The following SH3KBP1 variants were observed in gnomAD, a reference collection of about 807,000 sequenced individuals.
The protein encoded by SH3KBP1 is SH3 domain-containing kinase-binding protein 1.
A neutral mutation model predicts 50.1 loss-of-function variants in SH3KBP1; 8 were observed. The observed-to-expected ratio is 0.16, with a 90% CI of 0.09 to 0.29. The LOEUF is 0.29. Among genes scored for constraint, SH3KBP1 ranks in the 10% least tolerant of loss-of-function variants. SH3KBP1 has a pLI of 1.00. For synonymous variants in SH3KBP1, 227 were observed against 218.6 expected, an observed-to-expected ratio of 1.04 and a Z score of -0.34; for missense variants, 377 against 535.2, an observed-to-expected ratio of 0.70 and a Z score of 2.92.
intron 12 of SH3KBP1, among the ~76,000 whole-genome samples, chrX:19,582,338 C>A (rs2066401303): frequency 8.9e-6 from 1 of 112,065 alleles, no homozygotes; most frequent in East Asian, 2.8e-4. Flanking sequence ...CACACCAGCA[C>A]CCATGGGAGG....
At chrX:19,842,233 AC>A (rs1161439089) in intron 1 of SH3KBP1, among the ~76,000 whole-genome samples, 2 of 112,773 alleles carry the variant, frequency 1.8e-5, no homozygotes, top group Non-Finnish European at 3.7e-5. Flanking sequence ...TACAGCTTTT[AC>A]AAATAAAAAT....
intron 6 of SH3KBP1, chrX:19,647,927 T>C: frequency 3.0e-6 from 1 of 335,096 alleles, no homozygotes; most frequent in Non-Finnish European, 5.8e-6. Flanking sequence ...ATGCTCACAT[T>C]TGAGAACCAC....
intron 2 of SH3KBP1, among the ~76,000 whole-genome samples, chrX:19,759,055 T>C (rs909886938): frequency 8.9e-6 from 1 of 112,595 alleles, no homozygotes; most frequent in African/African-American, 3.2e-5. Flanking sequence ...CATTTCCCTA[T>C]GTCTTATGGA....
At chrX:19,711,528 T>C in intron 3 of SH3KBP1, among the ~76,000 whole-genome samples, 1 of 111,365 alleles carries the variant, frequency 9.0e-6, no homozygotes, top group South Asian at 3.7e-4. Flanking sequence ...AAATAATGTA[T>C]TGGATGAAAA....
chrX:19,807,077 G>A (rs2067069446), intron 2 of SH3KBP1, among the ~76,000 whole-genome samples: 1 of 111,965 alleles, frequency 8.9e-6, no homozygotes, highest in Non-Finnish European at 1.9e-5. Flanking sequence ...GGGATGGAGG[G>A]TAAGGAGTAG....
At chrX:19,717,179 C>T (rs988620249) in intron 3 of SH3KBP1, among the ~76,000 whole-genome samples, 3 of 111,579 alleles carry the variant, frequency 2.7e-5, no homozygotes, top group East Asian at 2.8e-4. Context: ...CACAGACATA[C>T]GCCAAACAAT....
At chrX:19,786,575 C>T (rs147632671) in intron 2 of SH3KBP1, among the ~76,000 whole-genome samples, 1 of 112,000 alleles carries the variant, frequency 8.9e-6, no homozygotes, top group African/African-American at 3.3e-5. Flanking sequence ...TTAAGGGTAG[C>T]AACAGTGTGA....
rs2061538467 is a variant in SH3KBP1, at chrX:19,629,898, T to C, written c.897+1966A>G. 4.4e-5 allele frequency among the ~76,000 whole-genome samples: 5 copies of C among 112,601 alleles called. No individual in the cohort carries two copies. In the South Asian group the frequency reaches 1.8e-3, roughly 42 times the overall value. On this transcript the variant is annotated intron_variant, in intron 8 of 17. Coordinates refer to ENST00000397821, the MANE Select transcript of SH3KBP1 (RefSeq NM_031892.3). ...CCTTCACAACACTCTTGAAAGCAGC[T>C]TGCCACATCTACCTGTTCATTTATC...
chrX:19,705,105 A>G (rs751954562), intron 4 of SH3KBP1, among the ~76,000 whole-genome samples: 148 of 112,526 alleles, frequency 1.3e-3, no homozygotes, highest in Non-Finnish European at 1.7e-3. Flanking sequence ...TTTCATAAGT[A>G]AAAACCCATT....
At chrX:19,614,164 G>T (rs749389412) in intron 8 of SH3KBP1, among the ~76,000 whole-genome samples, 30 of 112,744 alleles carry the variant, frequency 2.7e-4, no homozygotes, top group Non-Finnish European at 4.9e-4. Flanking sequence ...GGATGCCAAG[G>T]CCCCGGGGTG....
At chrX:19,789,620 C>T (rs186371794) in intron 2 of SH3KBP1, among the ~76,000 whole-genome samples, 4 of 108,764 alleles carry the variant, frequency 3.7e-5, no homozygotes. Context: ...CTTATGAGGA[C>T]ACCAGTCAGA....
At chrX:19,616,287 C>T (rs1278998202) in intron 8 of SH3KBP1, among the ~76,000 whole-genome samples, 2 of 111,882 alleles carry the variant, frequency 1.8e-5, no homozygotes, top group Non-Finnish European at 3.8e-5. Context: ...TTTTGTAATA[C>T]AACGAAGTCA....
chrX:19,852,598 T>C (rs1283904596), intron 1 of SH3KBP1, among the ~76,000 whole-genome samples: 1 of 102,759 alleles, frequency 9.7e-6, no homozygotes, highest in African/African-American at 3.7e-5. Flanking sequence ...TCAATAAAGA[T>C]TTTCTGAGAC....
rs756172973 is a variant in SH3KBP1 at position 19,562,558 on chromosome X, C to A, written c.1384+6545G>T. On this transcript the variant is annotated intron_variant, in intron 13 of 17. Transcript: ENST00000397821. ...ATTTGCATTCTTAAATCTGTAGGTA[C>A]ACCCAGTACCTCCAGAATACGGCAC... is the stretch of plus-strand genomic sequence containing the variant. Among the ~76,000 whole-genome samples, 10 of 111,727 alleles carry A rather than the reference C, an allele frequency of 9.0e-5. No homozygotes were observed. The South Asian group carries it at 3.8e-3, about 42-fold the overall frequency.
chrX:19,671,140 GGT>G, intron 6 of SH3KBP1: 1 of 481,249 alleles, frequency 2.1e-6, no homozygotes, highest in Non-Finnish European at 3.1e-6. Context: ...GGGGCCCCCA[GGT>G]GTGACCATTC....
rs1569273481 is a variant in SH3KBP1, at chrX:19,550,051, T to C, written c.1417A>G (p.Thr473Ala). ...LEGFDSVVSS[T>A]EKLSHPTTSR... The stretch of plus-strand genomic sequence containing the variant: ...GTGGTCGGATGACTGAGTTTCTCAG[T>C]AGATGATACCACGGAGTCAAAACCT... The change falls in exon 14 of 18, where the codon ACT becomes GCT. Residue 473 changes from threonine (T) to alanine (A), a missense_variant. Coordinates refer to ENST00000397821, the MANE Select transcript of SH3KBP1 (RefSeq NM_031892.3). The C allele has an allele frequency of 8.3e-7, 1 of 1,209,181 alleles. No individual in the cohort carries two copies. The highest frequency in any genetic ancestry group is 1.1e-6 in the Non-Finnish European group (1 of 894,020).
chrX:19,690,038 TTCTCTC>T (rs566949129), intron 5 of SH3KBP1, among the ~76,000 whole-genome samples: 235 of 95,424 alleles, frequency 2.5e-3, no homozygotes, highest in African/African-American at 6.8e-3. Context: ...AAAACCATCT[TTCTCTC>T]TCTCTCTCTC....
intron 7 of SH3KBP1, among the ~76,000 whole-genome samples, chrX:19,632,361 C>T (rs2061598229): frequency 8.9e-6 from 1 of 112,470 alleles, no homozygotes; most frequent in East Asian, 2.8e-4. Flanking sequence ...TTTTCCCACA[C>T]ATTACTAAAT....
chrX:19,631,437 T>C (rs943315804), intron 8 of SH3KBP1, among the ~76,000 whole-genome samples: 2 of 112,279 alleles, frequency 1.8e-5, no homozygotes, highest in African/African-American at 3.2e-5. Context: ...GCACTCTACC[T>C]GTCTTTGATC....
Sources: gnomAD v4.1 joint callset for allele counts (sites outside exome capture counted in the v4.1 genomes callset) on GRCh38, gnomAD v4.1.1 for gene constraint, MANE v1.5 for transcripts, NCBI Gene and HGNC (gene_info 2026-07-23, HGNC 2026-07-21) for gene names.